Variants in RP1L1 observed in about 807,000 individuals in gnomAD.
RP1L1 encodes RP1 like 1.
RP1L1 carries 27 observed loss-of-function variants against 15.7 expected under a neutral mutation model. The ratio of observed to expected loss-of-function variants is 1.72; its 90% confidence interval spans 1.27 to 2.38. RP1L1 has a LOEUF of 2.38. RP1L1 is among the 30% of genes most tolerant of loss of function. RP1L1 has a pLI of 0.00. For synonymous variants in RP1L1, 1,813 were observed against 1,276.7 expected (o/e 1.42, Z -8.96); for missense variants, 4,798 against 3,075.9 (o/e 1.56, Z -13.24).
Position 10,609,030 on chromosome 8 carries a change from G to A in RP1L1, c.5068C>T (p.Gln1690Ter). 2 of 1,613,600 alleles carry A rather than the reference G, an allele frequency of 1.2e-6. No individual in the cohort carries two copies. The highest frequency in any genetic ancestry group is 1.7e-6 in the Non-Finnish European group (2 of 1,179,572). The part of the protein sequence containing the change: ...RGPIKEAFDL[Q>*]QILQRKRGEH... ...CCCCTCTTCCTCTGCAGAATCTGCT[G>A]CAGGTCAAAGGCCTCTTTGATGGGA... is the stretch of plus-strand genomic sequence containing the variant. Residue 1690 changes from glutamine to a stop codon, truncating the protein, a stop_gained, in exon 4 of 4, where the codon CAG becomes TAG. Transcript: ENST00000382483. LOFTEE classifies it low-confidence loss of function (END_TRUNC).
Position 10,612,904 on chromosome 8 carries a change from G to A in RP1L1, c.1194C>T (p.Gly398=), listed in dbSNP as rs368122675. ...TTTCATACTTGGGCCCTGGCTGCCC[G>A]CCTCGGCCAAAGACTTCCCTGCATC... The part of the protein sequence containing the change: ...RVGCREVFGR[G]GQPGPKYEIW... The change falls in exon 4 of 4, where the codon GGC becomes GGT. Residue 398 remains glycine, a synonymous_variant. Transcript: ENST00000382483. The A allele has an allele frequency of 1.3e-4, 208 of 1,612,684 alleles. 1 individual carries two copies. Among genetic ancestry groups the A allele is most frequent in the African/African-American group, 8.4e-4 (63 of 74,934 alleles).
rs551906205 is a variant in RP1L1 at position 10,616,295 on chromosome 8, G to A, written c.751+151C>T. 3.4e-5 allele frequency: 32 copies of A among 954,404 alleles called. No homozygotes were observed. The South Asian group carries it at 3.8e-4, about 11-fold the overall frequency. 59.1% of individuals were successfully genotyped at this position (954,404 alleles called of 1,614,324 possible). A position where few individuals can be genotyped will look rare whatever the true frequency, so the allele number is the denominator to read the frequency against. On this transcript the variant is annotated intron_variant, in intron 3 of 3. Transcript: ENST00000382483. Reference sequence around the variant, plus strand: ...TAAGATTGACAGTACTGAGAAGGAGGAAGAGGCAAGAGAGATCCCAAAATG... The same window carrying A: ...TAAGATTGACAGTACTGAGAAGGAGAAAGAGGCAAGAGAGATCCCAAAATG...
intron 1 of RP1L1, among the ~76,000 whole-genome samples, chr8:10,632,670 G>C (rs1040800108): frequency 1.3e-5 from 2 of 152,262 alleles, no homozygotes; most frequent in African/African-American, 2.4e-5. Context: ...GGGCAGCACA[G>C]TGCACAGCAC....
chr8:10,610,485 T>A lies in RP1L1; in HGVS notation c.3613A>T (p.Ser1205Cys). 1 of 1,613,766 alleles carries A rather than the reference T, an allele frequency of 6.2e-7. No homozygotes were observed. Among genetic ancestry groups the A allele is most frequent in the Non-Finnish European group, 8.5e-7 (1 of 1,180,008 alleles). ...PTSSSGVDISSGSGGSGESSV... is the reference protein window; with the variant it reads ...PTSSSGVDISCGSGGSGESSV... ...CTCTCCCCTGAGCCTCCAGAGCCGC[T>A]GCTGATGTCCACACCAGAGGAGGAT... The change falls in exon 4 of 4, where the codon AGC becomes TGC. Residue 1205 changes from serine (S) to cysteine (C), a missense_variant. Coordinates refer to ENST00000382483, the MANE Select transcript of RP1L1 (RefSeq NM_178857.6).
intron 1 of RP1L1, among the ~76,000 whole-genome samples, chr8:10,626,956 C>T (rs1239011631): frequency 6.6e-6 from 1 of 152,172 alleles, no homozygotes; most frequent in Admixed American, 6.5e-5. Context: ...GATGCCACCT[C>T]ACACCATTAG....
chr8:10,625,493 T>C (rs1045185447), intron 1 of RP1L1, among the ~76,000 whole-genome samples: 43 of 7,574 alleles, frequency 5.7e-3, no homozygotes, highest in Non-Finnish European at 9.7e-3. Flanking sequence ...GGGGGTCAAG[T>C]GGGGAGCCCA....
chr8:10,618,946 G>A (rs1457089026), intron 2 of RP1L1, among the ~76,000 whole-genome samples: 2 of 152,060 alleles, frequency 1.3e-5, no homozygotes, highest in African/African-American at 2.4e-5. Context: ...CACCTCTCAG[G>A]TTCAACCGCC....
chr8:10,651,028 G>A (rs1468564834), intron 1 of RP1L1, among the ~76,000 whole-genome samples: 1 of 152,226 alleles, frequency 6.6e-6, no homozygotes, highest in African/African-American at 2.4e-5. Flanking sequence ...GGTTTGCAAA[G>A]TGCTCTGGGA....
intron 1 of RP1L1, among the ~76,000 whole-genome samples, chr8:10,627,180 C>G (rs1798172041): frequency 6.6e-6 from 1 of 152,158 alleles, no homozygotes; most frequent in South Asian, 2.1e-4. Context: ...GATACGTGTA[C>G]ACCCACGTTC....
Position 10,612,368 on chromosome 8 carries a change from G to T in RP1L1, c.1730C>A (p.Pro577Gln), listed in dbSNP as rs371971690. 3.1e-6 allele frequency: 5 copies of T among 1,612,864 alleles called. No homozygotes were observed. Among genetic ancestry groups the T allele is most frequent in the Non-Finnish European group, 4.2e-6 (5 of 1,180,028 alleles). ...CCTTAAAGATGAAAGACTCAGGGCT[G>T]GAGAAGCGGGGTCGCCTCCCTCGCT... is the stretch of plus-strand genomic sequence containing the variant. ...EASEGGDPAS[P>Q]ALSLSSLRSD... Residue 577 changes from proline (P) to glutamine (Q), a missense_variant, in exon 4 of 4, where the codon CCA (proline) becomes CAA (glutamine). By Grantham distance (76) the Pro-to-Gln change is moderately conservative. Coordinates refer to ENST00000382483, the MANE Select transcript of RP1L1 (RefSeq NM_178857.6).
chr8:10,618,406 G>A (rs1377965515), intron 2 of RP1L1, among the ~76,000 whole-genome samples: 1 of 152,188 alleles, frequency 6.6e-6, no homozygotes, highest in Non-Finnish European at 1.5e-5. Flanking sequence ...TACTTGGGAG[G>A]CTGAGGCAGA....
rs533253516 is a variant in RP1L1, at chr8:10,606,671, C to A, written c.*224G>T. On this transcript the variant is annotated 3_prime_UTR_variant, in exon 4 of 4. Coordinates refer to ENST00000382483, the MANE Select transcript of RP1L1 (RefSeq NM_178857.6). The stretch of plus-strand genomic sequence containing the variant: ...TAACCGGGCAGATCCGCAGACACCC[C>A]CTTTCTTCACACTGCGTGTGGGACG... 120 of 689,088 alleles carry A rather than the reference C, an allele frequency of 1.7e-4. No individual in the cohort carries two copies. Among genetic ancestry groups the A allele is most frequent in the East Asian group, 4.3e-4 (15 of 35,292 alleles). The allele number at this position is 689,088 out of a possible 1,614,324, so 42.7% of individuals were successfully genotyped here.
chr8:10,652,066 T>G (rs1798570939), intron 1 of RP1L1, among the ~76,000 whole-genome samples: 2 of 152,296 alleles, frequency 1.3e-5, no homozygotes, highest in Middle Eastern at 6.8e-3. Context: ...CTTGGAGCAA[T>G]AGGCTACAGT....
chr8:10,610,968 G>T lies in RP1L1; in HGVS notation c.3130C>A (p.Gln1044Lys). 6.2e-7 allele frequency: 1 copy of T among 1,612,256 alleles called. No homozygotes were observed. Among genetic ancestry groups the T allele is most frequent in the Non-Finnish European group, 8.5e-7 (1 of 1,179,806 alleles). Reference sequence around the variant, plus strand: ...GAAACTCCCTCTGGAGCTGCCCCTTGGGGGACACCCTCTCCTGATTGGGGA... The same window carrying T: ...GAAACTCCCTCTGGAGCTGCCCCTTTGGGGACACCCTCTCCTGATTGGGGA... ...TGPQSGEGVP[Q>K]GAAPEGVSEA... Residue 1044 changes from glutamine (Q) to lysine (K), a missense_variant, in exon 4 of 4, where the codon CAA (glutamine) becomes AAA (lysine). Physicochemically the swap from Gln to Lys is moderately conservative, Grantham distance 53 (BLOSUM62 1). Transcript: ENST00000382483.
At position 10,612,535 on chromosome 8, in the gene RP1L1, C is replaced by T. The variant is rs777047411; in HGVS notation, c.1563G>A (p.Leu521=). The change falls in exon 4 of 4, where the codon CTG becomes CTA. Residue 521 remains leucine, a synonymous_variant. Transcript: ENST00000382483. ...CCTCCTCACTCCGGGCCCTCGGTGT[C>T]AGGCGGCCGCCTTGCTCTGGGCCGC... ...GLGGPEQGGR[L]TPRARSEEGA... The T allele has an allele frequency of 1.2e-6, 2 of 1,610,308 alleles. No individual in the cohort carries two copies. The highest frequency in any genetic ancestry group is 1.7e-6 in the Non-Finnish European group (2 of 1,179,560).
chr8:10,644,696 C>G (rs952257833), intron 1 of RP1L1, among the ~76,000 whole-genome samples: 1 of 152,242 alleles, frequency 6.6e-6, no homozygotes, highest in Non-Finnish European at 1.5e-5. Context: ...GAAGCTGGCA[C>G]CAGGAGGAGC....
In RP1L1 at chr8:10,631,202, A is replaced by AACAC. The variant is rs147917321; in HGVS notation, c.-19-7986_-19-7983dup. Among the ~76,000 whole-genome samples the AACAC allele has an allele frequency of 5.9e-3, 890 of 150,184 alleles. 15 individuals carry two copies. The East Asian group carries it at 0.069, about 12-fold the overall frequency. ...TTGTCATGGCAACAGCACCTGCAAA[A>AACAC]ACACACACACACACACACACAAACG... is the stretch of plus-strand genomic sequence containing the variant. On this transcript the variant is annotated intron_variant, in intron 1 of 3. Transcript: ENST00000382483.
At chr8:10,642,763 G>A (rs1488547368) in intron 1 of RP1L1, among the ~76,000 whole-genome samples, 7 of 152,156 alleles carry the variant, frequency 4.6e-5, no homozygotes, top group African/African-American at 1.4e-4. Flanking sequence ...GTGGTTAAGG[G>A]TAATAAGTAA....
intron 1 of RP1L1, among the ~76,000 whole-genome samples, chr8:10,630,927 T>C (rs1300931260): frequency 1.3e-5 from 2 of 152,122 alleles, no homozygotes; most frequent in African/African-American, 4.8e-5. Flanking sequence ...GCTGGGCTTG[T>C]GGGGGCTGGG....
Sources: gnomAD v4.1 joint callset for allele counts (sites outside exome capture counted in the v4.1 genomes callset) on GRCh38, gnomAD v4.1.1 for gene constraint, MANE v1.5 for transcripts, NCBI Gene and HGNC (gene_info 2026-07-23, HGNC 2026-07-21) for gene names.